DNAH14: variants seen among roughly 807,000 people sequenced by gnomAD.
The protein encoded by DNAH14 is axonemal beta dynein heavy chain 14.
Under a neutral mutation model 520.9 loss-of-function variants are expected in DNAH14, and 478 were observed. The observed-to-expected ratio is 0.92, with a 90% CI of 0.85 to 0.99. DNAH14 has a LOEUF of 0.99. Among genes scored for constraint, DNAH14 ranks in the 50% least tolerant of loss-of-function variants. DNAH14 has a pLI of 0.00. For synonymous variants in DNAH14, 1,581 were observed against 1,757.2 expected, an observed-to-expected ratio of 0.90 and a Z score of 2.51; for missense variants, 4,831 against 5,234.5, an observed-to-expected ratio of 0.92 and a Z score of 2.38.
chr1:225,205,160 T>C (rs909722221), intron 39 of DNAH14, among the ~76,000 whole-genome samples: 13 of 152,308 alleles, frequency 8.5e-5, no homozygotes, highest in Admixed American at 2.6e-4. Context: ...ATGTGTGCTA[T>C]GGTCTAAAGG....
intron 17 of DNAH14, among the ~76,000 whole-genome samples, chr1:225,074,145 G>T (rs1041331590): frequency 6.6e-6 from 1 of 150,456 alleles, no homozygotes; most frequent in Non-Finnish European, 1.5e-5. Context: ...GACTACAGGC[G>T]CCCGCCACTA....
At chr1:224,931,689 T>C (rs1324269608) in intron 1 of DNAH14, among the ~76,000 whole-genome samples, 1 of 152,212 alleles carries the variant, frequency 6.6e-6, no homozygotes, top group Non-Finnish European at 1.5e-5. Context: ...CTCCCACATA[T>C]AAGTGAGAAC....
intron 55 of DNAH14, among the ~76,000 whole-genome samples, chr1:225,292,714 T>C (rs1262431425): frequency 2.0e-5 from 3 of 152,152 alleles, no homozygotes; most frequent in Non-Finnish European, 4.4e-5. Flanking sequence ...CAATATTAGT[T>C]TTTTTGATTC....
In DNAH14 at chr1:225,002,836, T is replaced by C. The variant is rs1043968212; in HGVS notation, c.884T>C (p.Leu295Ser). The change falls in exon 9 of 86, where the codon TTG becomes TCG. Residue 295 changes from leucine to serine, a missense_variant. By Grantham distance (145) the Leu-to-Ser change is moderately radical (BLOSUM62 -2). Coordinates refer to ENST00000682510, the MANE Select transcript of DNAH14 (RefSeq NM_001367479.1). ...GCTGATGACTTGTTTCAAACCTGTT[T>C]GGTTTATATAAGAGGACTTTGTGAA... ...FLADDLFQTC[L>S]VYIRGLCEDA... 6.5e-7 allele frequency: 1 copy of C among 1,549,362 alleles called. No individual in the cohort carries two copies. The highest frequency in any genetic ancestry group is 8.7e-7 in the Non-Finnish European group (1 of 1,145,804).
chr1:225,135,307 C>A (rs915578592), intron 27 of DNAH14, among the ~76,000 whole-genome samples: 7 of 152,134 alleles, frequency 4.6e-5, no homozygotes, highest in African/African-American at 1.7e-4. Flanking sequence ...GTAAATTTCC[C>A]TCTTAACACT....
intron 77 of DNAH14, 66 bp downstream of exon 77, chr1:225,368,098 A>G: frequency 1.5e-6 from 2 of 1,317,582 alleles, no homozygotes; most frequent in Middle Eastern, 2.7e-4. Flanking sequence ...AGAGCCTACT[A>G]TGTGCCTACA....
chr1:225,114,793 C>G (rs12083419), intron 23 of DNAH14, among the ~76,000 whole-genome samples: 5 of 152,090 alleles, frequency 3.3e-5, no homozygotes, highest in Admixed American at 6.5e-5. Flanking sequence ...TCACTGTGCT[C>G]TCTCTCCCCC....
At chr1:225,242,437 T>A (rs1162644356) in intron 43 of DNAH14, among the ~76,000 whole-genome samples, 3 of 152,150 alleles carry the variant, frequency 2.0e-5, no homozygotes, top group Non-Finnish European at 4.4e-5. Flanking sequence ...AACTTTTTTG[T>A]TAAAAACTAA....
chr1:225,335,141 A>ATATGTG (rs1558423225), intron 66 of DNAH14, among the ~76,000 whole-genome samples: 9 of 123,108 alleles, frequency 7.3e-5, no homozygotes, highest in African/African-American at 2.3e-4. Flanking sequence ...GTGCATGTGC[A>ATATGTG]CATGTGTACA....
chr1:225,079,753 A>G (rs1373731095), intron 18 of DNAH14, among the ~76,000 whole-genome samples: 1 of 141,838 alleles, frequency 7.1e-6, no homozygotes, highest in African/African-American at 2.6e-5. Context: ...GGCTCACTGC[A>G]AGCTCCGCCT....
chr1:225,162,010 A>T (rs761327881), intron 35 of DNAH14, among the ~76,000 whole-genome samples: 1 of 152,172 alleles, frequency 6.6e-6, no homozygotes, highest in Non-Finnish European at 1.5e-5. Context: ...TTTTAACTTC[A>T]TGCGATTCCA....
At chr1:225,007,387 C>G in intron 9 of DNAH14, 26 bp from the exon 10 acceptor site, 1 of 1,474,338 alleles carries the variant, frequency 6.8e-7, no homozygotes, top group Admixed American at 2.4e-5. Context: ...CTTTCTAACA[C>G]TGAACATTTA....
At chr1:225,167,147 A>G (rs968837933) in intron 35 of DNAH14, among the ~76,000 whole-genome samples, 1 of 152,168 alleles carries the variant, frequency 6.6e-6, no homozygotes, top group African/African-American at 2.4e-5. Context: ...AATTCTGTCA[A>G]CTGATTGCCT....
chr1:225,377,558 G>A (rs1184193100), intron 79 of DNAH14, 122 bp downstream of exon 79: 11 of 929,180 alleles, frequency 1.2e-5, no homozygotes, highest in African/African-American at 5.0e-5. Context: ...TCAGGAGTTC[G>A]AGACCACTCT....
intron 10 of DNAH14, among the ~76,000 whole-genome samples, chr1:225,021,772 A>C (rs1331418738): frequency 6.7e-6 from 1 of 149,796 alleles, no homozygotes; most frequent in Non-Finnish European, 1.5e-5. Flanking sequence ...TTCACAATTC[A>C]AAAAAAAAAC....
chr1:224,983,725 C>G (rs2062433516), intron 8 of DNAH14, among the ~76,000 whole-genome samples: 1 of 152,124 alleles, frequency 6.6e-6, no homozygotes, highest in African/African-American at 2.4e-5. Context: ...TTAATGTACA[C>G]AAATCAGTAG....
intron 66 of DNAH14, among the ~76,000 whole-genome samples, chr1:225,335,925 A>G (rs1224144789): frequency 7.4e-6 from 1 of 134,908 alleles, no homozygotes; most frequent in African/African-American, 2.7e-5. Context: ...ATATATGCAC[A>G]TATACCTATA....
At chr1:225,038,416 T>A (rs1264183996) in intron 11 of DNAH14, among the ~76,000 whole-genome samples, 1 of 152,078 alleles carries the variant, frequency 6.6e-6, no homozygotes, top group Non-Finnish European at 1.5e-5. Flanking sequence ...ATTTATTATT[T>A]ATTATTTTCT....
At chr1:225,108,984 A>G (rs2076291247) in intron 23 of DNAH14, among the ~76,000 whole-genome samples, 1 of 152,104 alleles carries the variant, frequency 6.6e-6, no homozygotes, top group Non-Finnish European at 1.5e-5. Flanking sequence ...CCTTTTTCCA[A>G]TGTATGTTCT....
Sources: allele counts gnomAD v4.1 joint callset (sites outside exome capture counted in the v4.1 genomes callset), GRCh38; gene constraint gnomAD v4.1.1; transcripts MANE v1.5; gene names NCBI Gene and HGNC (gene_info 2026-07-23, HGNC 2026-07-21).